Variants in SLC25A24 observed in about 807,000 individuals in gnomAD.
SLC25A24 encodes mitochondrial adenyl nucleotide antiporter SLC25A24.
SLC25A24 carries 49 observed loss-of-function variants against 60.7 expected under a neutral mutation model. The ratio of observed to expected loss-of-function variants is 0.81; its 90% CI spans 0.64 to 1.02. The LOEUF is 1.02. Ranked by LOEUF, SLC25A24 falls within the 50% of genes least tolerant of loss-of-function variation. The probability of loss-of-function intolerance (pLI) is 0.00; values close to 1 mark genes in which losing one functional copy is unlikely to be tolerated. For missense variants in SLC25A24, 564 were observed against 586.3 expected (o/e 0.96, Z 0.39); for synonymous variants, 202 against 200.6 (o/e 1.01, Z -0.06).
chr1:108,166,852 A>C (rs1680269774), intron 3 of SLC25A24, among the ~76,000 whole-genome samples: 1 of 152,106 alleles, frequency 6.6e-6, no homozygotes, highest in Non-Finnish European at 1.5e-5. Context: ...GTTCCTTTGG[A>C]GGAGGAGAGG....
In SLC25A24 at chr1:108,200,266, G is replaced by C; in HGVS notation, c.-128C>G. 1 of 928,112 alleles carries C rather than the reference G, an allele frequency of 1.1e-6. No homozygotes were observed. The highest frequency in any genetic ancestry group is 1.4e-6 in the Non-Finnish European group (1 of 696,270). The allele number at this position is 928,112 out of a possible 1,614,324, so 57.5% of individuals were successfully genotyped here. A position where few individuals can be genotyped will look rare whatever the true frequency, so the allele number is the denominator to read the frequency against. On this transcript the variant is annotated 5_prime_UTR_variant, in exon 1 of 10. Transcript: ENST00000565488. ...GCGCAACAGCGTTTGGGGCGCCGTC[G>C]GGGTTGCGGCTGCGGCGCGCAGGGC...
rs769914346 is a variant in SLC25A24 at position 108,157,474 on chromosome 1, T to C, written c.657A>G (p.Lys219=). 1.9e-6 allele frequency: 3 copies of C among 1,613,908 alleles called. No individual in the cohort carries two copies. ...TAATAAAGCTCACCTGCATCATGAT[T>C]TTCAGACGGTCCAAAGGGGCAGTGC... ...RTSTAPLDRL[K]IMMQVHGSKS... The change falls in exon 5 of 10, where the codon AAA becomes AAG. Residue 219 remains lysine (K), a synonymous_variant. Coordinates refer to ENST00000565488, the MANE Select transcript of SLC25A24 (RefSeq NM_013386.5).
At chr1:108,154,554 C>T (rs1393775921) in intron 6 of SLC25A24, among the ~76,000 whole-genome samples, 1 of 152,188 alleles carries the variant, frequency 6.6e-6, no homozygotes, top group Admixed American at 6.5e-5. Context: ...AGCCACGCCC[C>T]TGCCTTCATG....
rs1216735009 is a variant in SLC25A24, at chr1:108,179,214, A to G, written c.398+2727T>C. Among the ~76,000 whole-genome samples the G allele has an allele frequency of 3.3e-5, 5 of 152,182 alleles. No homozygotes were observed. The East Asian group carries it at 5.8e-4, about 18-fold the overall frequency. On this transcript the variant is annotated intron_variant, in intron 3 of 9. Coordinates refer to ENST00000565488, the MANE Select transcript of SLC25A24 (RefSeq NM_013386.5). ...ATCACCTCATACTACACTTAGAATG[A>G]CTATTACCAAAGAGACAAAAGATAA...
chr1:108,154,504 A>G (rs1679838401), intron 6 of SLC25A24, among the ~76,000 whole-genome samples: 1 of 152,186 alleles, frequency 6.6e-6, no homozygotes, highest in Non-Finnish European at 1.5e-5. Flanking sequence ...AACTTATCAC[A>G]TGCCAAGCTC....
At chr1:108,178,985 C>T (rs1477354742) in intron 3 of SLC25A24, among the ~76,000 whole-genome samples, 1 of 151,526 alleles carries the variant, frequency 6.6e-6, no homozygotes, top group African/African-American at 2.4e-5. Context: ...ATACCAAAAC[C>T]CATGGAACAC....
At position 108,185,812 on chromosome 1, in the gene SLC25A24, C is replaced by T; in HGVS notation, c.310+16G>A. 1 of 1,571,692 alleles carries T rather than the reference C, an allele frequency of 6.4e-7. No individual in the cohort carries two copies. The highest frequency in any genetic ancestry group is 8.7e-7 in the Non-Finnish European group (1 of 1,150,312). On this transcript the variant is annotated intron_variant, in intron 2 of 9. Transcript: ENST00000565488. ...GCTTCTTCATAGCTGGTGATAAATA[C>T]AAAAGAAAGACACACCATCATTATT...
At chr1:108,166,788 G>A (rs548180635) in intron 3 of SLC25A24, among the ~76,000 whole-genome samples, 1 of 152,280 alleles carries the variant, frequency 6.6e-6, no homozygotes, top group Admixed American at 6.5e-5. Flanking sequence ...CCTTCTCTCA[G>A]CTCGTCAGAG....
At chr1:108,145,685 C>T (rs182272459) in intron 7 of SLC25A24, among the ~76,000 whole-genome samples, 1 of 151,940 alleles carries the variant, frequency 6.6e-6, no homozygotes, top group African/African-American at 2.4e-5. Flanking sequence ...TTCCCCATTG[C>T]TTGTTTTTGT....
chr1:108,138,546 C>G (rs111613399), intron 9 of SLC25A24, among the ~76,000 whole-genome samples: 1 of 152,202 alleles, frequency 6.6e-6, no homozygotes, highest in Non-Finnish European at 1.5e-5. Flanking sequence ...ACAATGGAGA[C>G]TGTCACAGTG....
chr1:108,192,821 C>A lies in SLC25A24; in HGVS notation c.184-6867G>T. ...AGAGGGCTCATCCTAACGGCTTCAG[C>A]GCAAAGGCGCGAGCGCGCAGGACCC... is the stretch of plus-strand genomic sequence containing the variant. On this transcript the variant is annotated intron_variant, in intron 1 of 9. Transcript: ENST00000565488. 2 of 1,217,506 alleles carry A rather than the reference C, an allele frequency of 1.6e-6. 1 individual carries two copies. The highest frequency in any genetic ancestry group is 4.1e-5 in the South Asian group (2 of 48,854). The allele number at this position is 1,217,506 out of a possible 1,614,324, so 75.4% of individuals were successfully genotyped here. A position where few individuals can be genotyped will look rare whatever the true frequency, so the allele number is the denominator to read the frequency against.
At position 108,148,135 on chromosome 1, in the gene SLC25A24, A is replaced by G. The variant is rs1025628690; in HGVS notation, c.930+144T>C. On this transcript the variant is annotated intron_variant, in intron 7 of 9. Transcript: ENST00000565488. ...ACCCTGAGCCAGAGGCACCCAGCTAAGCTGCTTCCAGATTCCTGACCCAGA... is the reference window on the plus strand; with the variant it reads ...ACCCTGAGCCAGAGGCACCCAGCTAGGCTGCTTCCAGATTCCTGACCCAGA... 50 of 636,810 alleles carry G rather than the reference A, an allele frequency of 7.9e-5. No individual in the cohort carries two copies. The African/African-American group carries it at 8.8e-4, about 11-fold the overall frequency. The allele number at this position is 636,810 out of a possible 1,614,324, so 39.4% of individuals were successfully genotyped here. A position where few individuals can be genotyped will look rare whatever the true frequency, so the allele number is the denominator to read the frequency against.
intron 2 of SLC25A24, among the ~76,000 whole-genome samples, chr1:108,185,574 G>T (rs528994493): frequency 6.6e-6 from 1 of 151,960 alleles, no homozygotes; most frequent in South Asian, 2.1e-4. Flanking sequence ...TTTACAACAG[G>T]CCCTGCCCAC....
rs193003045 is a variant in SLC25A24, at chr1:108,152,734, G to A, written c.822+2249C>T. Among the ~76,000 whole-genome samples, 8 of 152,274 alleles carry A rather than the reference G, an allele frequency of 5.3e-5. No homozygotes were observed. The East Asian group carries it at 1.2e-3, about 22-fold the overall frequency. On this transcript the variant is annotated intron_variant, in intron 6 of 9. Transcript: ENST00000565488. ...CTGTCTTTTCATTTACTTAATAAGG[G>A]TTTCCTGGCACTGGGCAAGGTGCTA... is the stretch of plus-strand genomic sequence containing the variant.
In SLC25A24 at chr1:108,155,046, T is replaced by C. The variant is rs754013981; in HGVS notation, c.759A>G (p.Gly253=). The C allele has an allele frequency of 3.1e-4, 492 of 1,613,054 alleles. No homozygotes were observed. Among genetic ancestry groups the C allele is most frequent in the Non-Finnish European group, 4.1e-4 (484 of 1,179,526 alleles). Residue 253 remains glycine, a synonymous_variant, in exon 6 of 10, where the codon GGA becomes GGG. Transcript: ENST00000565488. ...KEGGIRSLWR[G]NGTNVIKIAP... is the part of the protein sequence containing the mutation. ...CAATTTTGATGACGTTTGTACCATT[T>C]CCCCTCCAAAGCGAGCGGATACCTC...
At chr1:108,199,530 T>G in intron 1 of SLC25A24, 1 of 262,952 alleles carries the variant, frequency 3.8e-6, no homozygotes, top group East Asian at 7.3e-5. Flanking sequence ...ATAGCTGCTG[T>G]AACAAAGCAG....
rs1447686491 is a variant in SLC25A24 at position 108,164,268 on chromosome 1, C to T, written c.399-2975G>A. On this transcript the variant is annotated intron_variant, in intron 3 of 9. Transcript: ENST00000565488. ...CTAAAATTCTCTTTTTTTGTTGTGT[C>T]TCTGCCTGGCTTTGGTATCAGGATG... 2.0e-5 allele frequency among the ~76,000 whole-genome samples: 3 copies of T among 152,058 alleles called. No individual in the cohort carries two copies. The Middle Eastern group carries it at 0.01, about 517-fold the overall frequency.
intron 3 of SLC25A24, among the ~76,000 whole-genome samples, chr1:108,171,594 A>C (rs1213857036): frequency 6.6e-6 from 1 of 152,140 alleles, no homozygotes; most frequent in East Asian, 1.9e-4. Context: ...AATTCTACTC[A>C]TTCTTTAACA....
At chr1:108,148,138 T>C in intron 7 of SLC25A24, 141 bp downstream of exon 7, 1 of 643,750 alleles carries the variant, frequency 1.6e-6, no homozygotes, top group Non-Finnish European at 2.8e-6. Context: ...CCAGCTAAGC[T>C]GCTTCCAGAT....
Sources: allele counts gnomAD v4.1 joint callset (sites outside exome capture counted in the v4.1 genomes callset), GRCh38; gene constraint gnomAD v4.1.1; transcripts MANE v1.5; gene names NCBI Gene and HGNC (gene_info 2026-07-23, HGNC 2026-07-21).